The following RPS6KA2 variants were observed in gnomAD, a reference collection of about 807,000 sequenced individuals.
RPS6KA2 encodes the protein ribosomal protein S6 kinase A2, also known as ribosomal protein S6 kinase alpha-2.
In RPS6KA2, 42 loss-of-function variants were observed where a neutral mutation model predicts 91.8. That is an observed-to-expected ratio of 0.46 (90% CI 0.36 to 0.59). The LOEUF (loss-of-function observed/expected upper bound fraction) is 0.59, where lower values mean the gene tolerates loss of function less well. Among genes scored for constraint, RPS6KA2 ranks in the 20% least tolerant of loss-of-function variants. The pLI, the probability that RPS6KA2 is intolerant of heterozygous loss-of-function variation, is 0.00. For synonymous variants in RPS6KA2, 414 were observed against 393.6 expected, an observed-to-expected ratio of 1.05 and a Z score of -0.61; for missense variants, 798 against 978.5, an observed-to-expected ratio of 0.82 and a Z score of 2.46.
rs748940691 is a variant in RPS6KA2, at chr6:166,533,183, C to T, written c.217-1870G>A. ...TCTTGAGATCTTCTGCTTTGAATCA[C>T]GGGAAAGTCACATGCCATGCACAGT... On this transcript the variant is annotated intron_variant, in intron 2 of 20. Transcript: ENST00000265678. The surrounding 1 kb of genome is among the most constrained non-coding windows in gnomAD (Gnocchi z 4.0). Among the ~76,000 whole-genome samples the T allele has an allele frequency of 2.0e-5, 3 of 152,242 alleles. No homozygotes were observed. Among genetic ancestry groups the T allele is most frequent in the African/African-American group, 4.8e-5 (2 of 41,460 alleles).
chr6:166,664,329 T>C (rs887099196), intron 2 of RPS6KA2, among the ~76,000 whole-genome samples: 1 of 152,262 alleles, frequency 6.6e-6, no homozygotes, highest in Admixed American at 6.5e-5. Context: ...TCCACGGGAC[T>C]GAAAGTAAAC....
At chr6:166,525,701 A>C (rs974348451) in intron 3 of RPS6KA2, among the ~76,000 whole-genome samples, 4 of 152,180 alleles carry the variant, frequency 2.6e-5, no homozygotes, top group African/African-American at 9.7e-5. Flanking sequence ...ACATTTGACT[A>C]TTCACATGCC....
intron 2 of RPS6KA2, among the ~76,000 whole-genome samples, chr6:166,642,427 T>A (rs1415424619): frequency 6.6e-6 from 1 of 152,196 alleles, no homozygotes; most frequent in Non-Finnish European, 1.5e-5. Context: ...TGAAAGTAAA[T>A]CATTTGTGTA....
At chr6:166,616,666 T>C (rs1437123180) in intron 1 of RPS6KA2, among the ~76,000 whole-genome samples, 1 of 152,052 alleles carries the variant, frequency 6.6e-6, no homozygotes, top group Non-Finnish European at 1.5e-5. Flanking sequence ...ATCCTCCCTC[T>C]GCCAGGCCAG....
chr6:166,650,148 CA>C (rs71800915), intron 2 of RPS6KA2, among the ~76,000 whole-genome samples: 32,076 of 94,652 alleles, frequency 0.34, 3,519 homozygotes, highest in Middle Eastern at 0.44. Flanking sequence ...TTGGGAATTA[CA>C]AAAAAAAAAA....
At chr6:166,783,688 CTG>C (rs1778833276) in intron 2 of RPS6KA2, among the ~76,000 whole-genome samples, 1 of 151,696 alleles carries the variant, frequency 6.6e-6, no homozygotes, top group Non-Finnish European at 1.5e-5. Flanking sequence ...GCACACCTAT[CTG>C]TAACTACATA....
rs57711560 is a variant in RPS6KA2 at position 166,829,589 on chromosome 6, CAAAAAAAAAAAAA to C, written c.123+28598_123+28610del. Among the ~76,000 whole-genome samples the C allele has an allele frequency of 2.5e-4, 24 of 96,892 alleles. 1 individual carries two copies. Among genetic ancestry groups the C allele is most frequent in the East Asian group, 7.7e-4 (3 of 3,904 alleles). 63.6% of individuals were successfully genotyped at this position (96,892 alleles called of 152,430 possible). A position where few individuals can be genotyped will look rare whatever the true frequency, so the allele number is the denominator to read the frequency against. ...TGGGCAACAGAGCGAGACTCTGTCT[CAAAAAAAAAAAAA>C]AAAAAAAAAAAAAAAATTATTATAT... is the stretch of plus-strand genomic sequence containing the variant. On this transcript the variant is annotated intron_variant, in intron 2 of 21. Transcript: ENST00000503859.
intron 2 of RPS6KA2, among the ~76,000 whole-genome samples, chr6:166,705,580 G>C (rs1414713301): frequency 6.6e-6 from 1 of 152,132 alleles, no homozygotes; most frequent in African/African-American, 2.4e-5. Flanking sequence ...GGTACTAAAG[G>C]TCCTTACAGA....
chr6:166,687,808 A>G (rs78474669), intron 2 of RPS6KA2, among the ~76,000 whole-genome samples: 1 of 152,362 alleles, frequency 6.6e-6, no homozygotes, highest in African/African-American at 2.4e-5. Context: ...ATGCGTGTGC[A>G]CAGAGATGCA....
At chr6:166,455,755 C>T (rs1280257258) in intron 12 of RPS6KA2, among the ~76,000 whole-genome samples, 2 of 152,242 alleles carry the variant, frequency 1.3e-5, no homozygotes, top group African/African-American at 4.8e-5. Flanking sequence ...TTGCTCTCTG[C>T]ACAAAGTCTG....
At chr6:166,854,807 CAG>C (rs1233896083) in intron 2 of RPS6KA2, among the ~76,000 whole-genome samples, 1 of 152,142 alleles carries the variant, frequency 6.6e-6, no homozygotes, top group Non-Finnish European at 1.5e-5. Context: ...AAACTAAAAA[CAG>C]AACTACCATT....
rs1782364906 is a variant in RPS6KA2 at position 166,508,930 on chromosome 6, A to T, written c.380-648T>A. The stretch of plus-strand genomic sequence containing the variant: ...GGGCCTGCCTCTGTTGAGCGGGCGC[A>T]TGAGCACGGGAGGGTCTAGAGAAGC... On this transcript the variant is annotated intron_variant, in intron 4 of 20. Coordinates refer to ENST00000265678, the MANE Select transcript of RPS6KA2 (RefSeq NM_021135.6). The surrounding 1 kb of genome is among the most constrained non-coding windows in gnomAD (Gnocchi z 4.3). 6.6e-6 allele frequency among the ~76,000 whole-genome samples: 1 copy of T among 152,192 alleles called. No individual in the cohort carries two copies. Among genetic ancestry groups the T allele is most frequent in the South Asian group, 2.1e-4 (1 of 4,832 alleles).
chr6:166,861,982 C>T, intron 1 of RPS6KA2: 3 of 1,230,300 alleles, frequency 2.4e-6, no homozygotes. Flanking sequence ...CACTGGATAG[C>T]CAACTCTCTG....
chr6:166,709,195 TAA>T, intron 2 of RPS6KA2, among the ~76,000 whole-genome samples: 1 of 152,220 alleles, frequency 6.6e-6, no homozygotes, highest in East Asian at 1.9e-4. Context: ...CATAAAGATG[TAA>T]CAAGATAACG....
intron 2 of RPS6KA2, among the ~76,000 whole-genome samples, chr6:166,854,734 A>T (rs1780842169): frequency 6.6e-6 from 1 of 152,250 alleles, no homozygotes; most frequent in Admixed American, 6.5e-5. Flanking sequence ...GAACGCTTAT[A>T]CACTGTTGGT....
chr6:166,650,736 G>T (rs1221746837), intron 2 of RPS6KA2, among the ~76,000 whole-genome samples: 1 of 152,156 alleles, frequency 6.6e-6, no homozygotes, highest in Non-Finnish European at 1.5e-5. Context: ...AGTTCACTTG[G>T]TTCTCTCTCT....
chr6:166,655,960 T>C (rs1405499742), intron 2 of RPS6KA2, among the ~76,000 whole-genome samples: 1 of 152,040 alleles, frequency 6.6e-6, no homozygotes, highest in African/African-American at 2.4e-5. Context: ...GTCACCACAA[T>C]CTCTAGCAAT....
At chr6:166,471,845 G>C (rs1315994388) in intron 10 of RPS6KA2, among the ~76,000 whole-genome samples, 1 of 152,186 alleles carries the variant, frequency 6.6e-6, no homozygotes, top group Non-Finnish European at 1.5e-5. Context: ...GGCCCCTCCG[G>C]GTCCCCAGTC....
At chr6:166,738,900 C>T (rs978836418) in intron 2 of RPS6KA2, among the ~76,000 whole-genome samples, 6 of 152,132 alleles carry the variant, frequency 3.9e-5, no homozygotes, top group Admixed American at 2.6e-4. Context: ...CATTCCCAAG[C>T]TTTACACAGC....
Sources: gnomAD v4.1 joint callset for allele counts (sites outside exome capture counted in the v4.1 genomes callset) on GRCh38, gnomAD v4.1.1 for gene constraint, Gnocchi (gnomAD v3.1) non-coding constraint, MANE v1.5 for transcripts, NCBI Gene and HGNC (gene_info 2026-07-23, HGNC 2026-07-21) for gene names.